PCDHGA3: variants seen among roughly 807,000 people sequenced by gnomAD.
PCDHGA3 encodes protocadherin gamma subfamily A, 3, also known as protocadherin gamma-A3.
In PCDHGA3, 40 loss-of-function variants were observed where a neutral mutation model predicts 58.5. That is an observed-to-expected ratio of 0.68 (90% CI 0.53 to 0.89). The LOEUF (loss-of-function observed/expected upper bound fraction) is 0.89, where lower values mean the gene tolerates loss of function less well. Among genes scored for constraint, PCDHGA3 ranks in the 40% least tolerant of loss-of-function variants. PCDHGA3 has a pLI of 0.00. For missense variants in PCDHGA3, 1,223 were observed against 1,195.9 expected, an observed-to-expected ratio of 1.02 and a Z score of -0.33; for synonymous variants, 530 against 525.7, an observed-to-expected ratio of 1.01 and a Z score of -0.11.
At chr5:141,347,777 A>G (rs1758015227) in intron 1 of PCDHGA3, among the ~76,000 whole-genome samples, 1 of 147,018 alleles carries the variant, frequency 6.8e-6, no homozygotes, top group African/African-American at 2.5e-5. Flanking sequence ...ATAGAGAGAG[A>G]CTCCATCTCA....
At chr5:141,441,746 C>CGTCAA in intron 1 of PCDHGA3, 1 of 371,314 alleles carries the variant, frequency 2.7e-6, no homozygotes, top group Non-Finnish European at 5.4e-6. Context: ...TCGCGCTCGG[C>CGTCAA]GTCAACGTGA....
At chr5:141,456,647 C>G (rs773458307) in intron 1 of PCDHGA3, among the ~76,000 whole-genome samples, 2 of 152,152 alleles carry the variant, frequency 1.3e-5, no homozygotes, top group African/African-American at 4.8e-5. Context: ...AGGTGTTAAT[C>G]CCAAAGAAGC....
In PCDHGA3 at chr5:141,394,083, G is replaced by A. The variant is rs146481056; in HGVS notation, c.2424+47626G>A. The A allele has an allele frequency of 3.1e-6, 5 of 1,613,826 alleles. No individual in the cohort carries two copies. The East Asian group carries it at 6.7e-5, about 22-fold the overall frequency. On this transcript the variant is annotated intron_variant, in intron 1 of 3. Transcript: ENST00000253812. ...CTCTATCTACAATATCACAGTGATG[G>A]CCTCAGATCTAGGAACACCACCTCT... is the stretch of plus-strand genomic sequence containing the variant.
At chr5:141,414,882 C>T (rs759814512) in intron 1 of PCDHGA3, 7 of 1,614,104 alleles carry the variant, frequency 4.3e-6, no homozygotes, top group East Asian at 4.5e-5. Context: ...TCCTGTACCC[C>T]GCCCTCCCCA....
Position 141,346,047 on chromosome 5 carries a change from C to A in PCDHGA3, c.2014C>A (p.Leu672Met), listed in dbSNP as rs1246037325. ...VAVADRIPDI[L>M]ADLGSLEPSA... ...CGTGGCCGACAGGATCCCCGACATC[C>A]TGGCCGACCTGGGCAGCCTCGAGCC... The change falls in exon 1 of 4, where the codon CTG becomes ATG. Residue 672 changes from leucine (L) to methionine (M), a missense_variant. Leu to Met is a conservative substitution (Grantham distance 15, BLOSUM62 2). Transcript: ENST00000253812. The A allele has an allele frequency of 6.2e-7, 1 of 1,613,516 alleles. No homozygotes were observed. The highest frequency in any genetic ancestry group is 1.3e-5 in the African/African-American group (1 of 74,942).
intron 1 of PCDHGA3, chr5:141,478,378 G>A (rs1454112813): frequency 6.2e-7 from 1 of 1,613,558 alleles, no homozygotes; most frequent in Admixed American, 1.7e-5. Context: ...TGATGTCGCC[G>A]CACCTTTACC....
At chr5:141,414,460 A>G in intron 1 of PCDHGA3, 1 of 1,613,922 alleles carries the variant, frequency 6.2e-7, no homozygotes, top group Non-Finnish European at 8.5e-7. Context: ...AGTGACAGCC[A>G]CAGATGGGGG....
chr5:141,405,835 A>C (rs2094724459), intron 1 of PCDHGA3, among the ~76,000 whole-genome samples: 1 of 152,178 alleles, frequency 6.6e-6, no homozygotes, highest in African/African-American at 2.4e-5. Flanking sequence ...AGGTAGTATA[A>C]GTTGATATCA....
chr5:141,434,517 G>A (rs1476955199), intron 1 of PCDHGA3, among the ~76,000 whole-genome samples: 1 of 152,212 alleles, frequency 6.6e-6, no homozygotes, highest in East Asian at 1.9e-4. Context: ...GCTTAAAGGT[G>A]TTCTTAAACC....
intron 1 of PCDHGA3, among the ~76,000 whole-genome samples, chr5:141,402,220 C>T (rs1489596372): frequency 2.0e-5 from 3 of 151,886 alleles, no homozygotes; most frequent in African/African-American, 2.4e-5. Context: ...TTAAAATAAA[C>T]GTTTTTCCAG....
chr5:141,344,821 C>A lies in PCDHGA3; in HGVS notation c.788C>A (p.Thr263Lys). 1 of 1,613,918 alleles carries A rather than the reference C, an allele frequency of 6.2e-7. No individual in the cohort carries two copies. Among genetic ancestry groups the A allele is most frequent in the Non-Finnish European group, 8.5e-7 (1 of 1,179,898 alleles). ...GTGCCTGTGGGTACCCGGCTGCTCA[C>A]GGTGAATGCCACTGACCCTGACGAG... The part of the protein sequence containing the change: ...ENVPVGTRLL[T>K]VNATDPDEGF... Residue 263 changes from threonine to lysine, a missense_variant, in exon 1 of 4, where the codon ACG becomes AAG. This residue lies in a region of PCDHGA3 where 791 missense variants were observed against 708.5 expected (regional missense o/e 1.12). Transcript: ENST00000253812.
chr5:141,434,889 A>C (rs1213631251), intron 1 of PCDHGA3, among the ~76,000 whole-genome samples: 2 of 151,512 alleles, frequency 1.3e-5, no homozygotes, highest in African/African-American at 4.8e-5. Context: ...ACAACAATCC[A>C]GTCCCCTTCC....
At chr5:141,375,622 TCTGTACGCC>T in intron 1 of PCDHGA3, 1 of 1,614,200 alleles carries the variant, frequency 6.2e-7, no homozygotes. Flanking sequence ...ACACTGGGAT[TCTGTACGCC>T]CTGCGCTCCT....
intron 1 of PCDHGA3, chr5:141,366,201 G>A (rs567413702): frequency 2.4e-5 from 39 of 1,613,736 alleles, no homozygotes; most frequent in Non-Finnish European, 3.2e-5. Flanking sequence ...CTGCACACGG[G>A]CGAGGTGCGC....
chr5:141,401,512 A>G (rs556332375), intron 1 of PCDHGA3, among the ~76,000 whole-genome samples: 2 of 152,374 alleles, frequency 1.3e-5, no homozygotes, highest in South Asian at 4.1e-4. Context: ...CCACCTCTAT[A>G]TAATTACCAG....
chr5:141,470,488 T>A (rs2099231812), intron 1 of PCDHGA3, among the ~76,000 whole-genome samples: 2 of 152,234 alleles, frequency 1.3e-5, no homozygotes, highest in South Asian at 4.1e-4. Flanking sequence ...CCTCTGGGAA[T>A]AATATTAGGT....
chr5:141,388,889 C>A, intron 1 of PCDHGA3: 2 of 1,613,954 alleles, frequency 1.2e-6, no homozygotes, highest in Non-Finnish European at 1.7e-6. Flanking sequence ...AGGTAGAAGT[C>A]ATAGATGAAA....
At chr5:141,405,256 G>GATGTGATGCTCT (rs1316160577) in intron 1 of PCDHGA3, 2 of 1,614,050 alleles carry the variant, frequency 1.2e-6, no homozygotes, top group Non-Finnish European at 1.7e-6. Flanking sequence ...AGAGTCACCT[G>GATGTGATGCTCT]ATCTTCCCCC....
chr5:141,400,129 C>T (rs530393607), intron 1 of PCDHGA3: 1 of 1,614,104 alleles, frequency 6.2e-7, no homozygotes, highest in Admixed American at 1.7e-5. Flanking sequence ...GCAGGAGGTG[C>T]TGCCGGATAT....
Sources: gnomAD v4.1 joint callset for allele counts (sites outside exome capture counted in the v4.1 genomes callset) on GRCh38, gnomAD v4.1.1 for gene constraint, gnomAD v4.1.1 regional missense constraint, MANE v1.5 for transcripts, NCBI Gene and HGNC (gene_info 2026-07-23, HGNC 2026-07-21) for gene names.